MACROD2: variants seen among roughly 807,000 people sequenced by gnomAD.
The protein encoded by MACROD2 is ADP-ribose glycohydrolase MACROD2.
MACROD2 carries 36 observed loss-of-function variants against 70.4 expected under a neutral mutation model. The ratio of observed to expected loss-of-function variants is 0.51; its 90% CI spans 0.39 to 0.68. MACROD2 has a LOEUF of 0.68. Ranked by LOEUF, MACROD2 falls within the 30% of genes least tolerant of loss-of-function variation. The pLI, the probability that MACROD2 is intolerant of heterozygous loss-of-function variation, is 0.00. For missense variants in MACROD2, 496 were observed against 538.4 expected, an observed-to-expected ratio of 0.92 and a Z score of 0.78; for synonymous variants, 172 against 178.8, an observed-to-expected ratio of 0.96 and a Z score of 0.30.
intron 3 of MACROD2, among the ~76,000 whole-genome samples, chr20:14,307,419 G>T (rs1181971456): frequency 6.6e-6 from 1 of 152,082 alleles, no homozygotes; most frequent in Non-Finnish European, 1.5e-5. Flanking sequence ...ATTGGAGGAT[G>T]TTATGGACTT....
intron 8 of MACROD2, among the ~76,000 whole-genome samples, chr20:15,685,625 A>ACTGAAT (rs1471267467): frequency 6.6e-6 from 1 of 152,188 alleles, no homozygotes; most frequent in African/African-American, 2.4e-5. Context: ...CTGCAGCTGT[A>ACTGAAT]CTGAATCTTG....
At chr20:15,175,210 T>C (rs1223575771) in intron 5 of MACROD2, among the ~76,000 whole-genome samples, 1 of 139,650 alleles carries the variant, frequency 7.2e-6, no homozygotes, top group Non-Finnish European at 1.5e-5. Flanking sequence ...TTGTCACTCA[T>C]AGGTGGGAAT....
At chr20:14,103,101 T>A (rs900752290) in intron 3 of MACROD2, among the ~76,000 whole-genome samples, 1 of 152,186 alleles carries the variant, frequency 6.6e-6, no homozygotes, top group Non-Finnish European at 1.5e-5. Flanking sequence ...CTATATTTTT[T>A]TTTTCTGAAG....
intron 5 of MACROD2, among the ~76,000 whole-genome samples, chr20:15,124,866 A>G (rs2076055612): frequency 6.6e-6 from 1 of 151,944 alleles, no homozygotes; most frequent in Admixed American, 6.6e-5. Context: ...TTGTGGAGAA[A>G]TGAGTGACTG....
intron 8 of MACROD2, among the ~76,000 whole-genome samples, chr20:15,560,275 G>T (rs1451022919): frequency 6.6e-6 from 1 of 152,216 alleles, no homozygotes; most frequent in East Asian, 1.9e-4. Context: ...GGAAATTTAG[G>T]TGAGTTTCTT....
chr20:15,826,647 T>C (rs2064000118), intron 8 of MACROD2, among the ~76,000 whole-genome samples: 1 of 152,226 alleles, frequency 6.6e-6, no homozygotes, highest in Non-Finnish European at 1.5e-5. Flanking sequence ...CAAATTCTTT[T>C]ATCAAACTAC....
At chr20:14,429,084 T>C (rs1178906392) in intron 3 of MACROD2, among the ~76,000 whole-genome samples, 3 of 152,190 alleles carry the variant, frequency 2.0e-5, no homozygotes, top group Admixed American at 2.0e-4. Flanking sequence ...TGGTCTATTG[T>C]TAATGAATTG....
chr20:15,003,190 T>C (rs1196996492), intron 5 of MACROD2, among the ~76,000 whole-genome samples: 1 of 152,172 alleles, frequency 6.6e-6, no homozygotes, highest in African/African-American at 2.4e-5. Context: ...ACAAAATGCT[T>C]CTAAGGGCTG....
intron 4 of MACROD2, among the ~76,000 whole-genome samples, chr20:14,666,319 C>T (rs1600516608): frequency 1.3e-5 from 2 of 152,216 alleles, no homozygotes; most frequent in East Asian, 3.9e-4. Context: ...CTCTTGTATA[C>T]AAATAATCAG....
chr20:16,005,516 C>T (rs146782177), intron 15 of MACROD2, among the ~76,000 whole-genome samples: 1 of 152,290 alleles, frequency 6.6e-6, no homozygotes, highest in Non-Finnish European at 1.5e-5. Context: ...TTCACCAGGG[C>T]TCCATCTGCA....
intron 5 of MACROD2, among the ~76,000 whole-genome samples, chr20:14,703,513 T>A (rs2071231808): frequency 6.6e-6 from 1 of 152,164 alleles, no homozygotes; most frequent in African/African-American, 2.4e-5. Context: ...GACTTGGATT[T>A]TCTCTCCAGC....
At chr20:14,796,446 A>T (rs567788777) in intron 5 of MACROD2, among the ~76,000 whole-genome samples, 1 of 152,098 alleles carries the variant, frequency 6.6e-6, no homozygotes, top group African/African-American at 2.4e-5. Flanking sequence ...CTCAATGTCA[A>T]TTTAAATTAC....
chr20:15,784,221 G>A (rs954023388), intron 8 of MACROD2, among the ~76,000 whole-genome samples: 7 of 152,248 alleles, frequency 4.6e-5, no homozygotes, highest in Admixed American at 1.3e-4. Flanking sequence ...CAGCGCATGT[G>A]TATTGAGAAC....
At chr20:16,048,872 T>A (rs1203891699) in intron 17 of MACROD2, among the ~76,000 whole-genome samples, 7 of 152,334 alleles carry the variant, frequency 4.6e-5, no homozygotes, top group African/African-American at 2.4e-5. Flanking sequence ...ATAGCAGATA[T>A]GCTCACAAAA....
chr20:14,912,204 C>T (rs540314311), intron 5 of MACROD2, among the ~76,000 whole-genome samples: 3 of 152,244 alleles, frequency 2.0e-5, no homozygotes, highest in East Asian at 3.9e-4. Flanking sequence ...AGCTTTCTGC[C>T]GTTATCTCTA....
intron 5 of MACROD2, among the ~76,000 whole-genome samples, chr20:14,971,769 C>T (rs2074693895): frequency 6.6e-6 from 1 of 152,094 alleles, no homozygotes; most frequent in South Asian, 2.1e-4. Flanking sequence ...GGAAGCTGGC[C>T]ACCCCACCCT....
At chr20:15,574,178 C>T (rs982706247) in intron 8 of MACROD2, among the ~76,000 whole-genome samples, 1 of 152,118 alleles carries the variant, frequency 6.6e-6, no homozygotes, top group Non-Finnish European at 1.5e-5. Flanking sequence ...TATCCACCAA[C>T]TTTGGGCCAA....
intron 6 of MACROD2, among the ~76,000 whole-genome samples, chr20:15,257,100 C>T (rs981193775): frequency 1.6e-4 from 24 of 151,932 alleles, no homozygotes; most frequent in East Asian, 9.7e-4. Flanking sequence ...CTCTGGATTA[C>T]GGTGTGGATA....
chr20:14,609,470 G>C (rs1983022827), intron 4 of MACROD2, among the ~76,000 whole-genome samples: 1 of 152,102 alleles, frequency 6.6e-6, no homozygotes, highest in Non-Finnish European at 1.5e-5. Flanking sequence ...AGTACTTAAA[G>C]GTCACTTCTT....
Sources: gnomAD v4.1 joint callset for allele counts (sites outside exome capture counted in the v4.1 genomes callset) on GRCh38, gnomAD v4.1.1 for gene constraint, MANE v1.5 for transcripts, NCBI Gene and HGNC (gene_info 2026-07-23, HGNC 2026-07-21) for gene names.